TLE4: variants seen among roughly 807,000 people sequenced by gnomAD.
TLE4 encodes transducin-like enhancer protein 4.
Under a neutral mutation model 92.8 loss-of-function variants are expected in TLE4, and 8 were observed. The ratio of observed to expected loss-of-function variants is 0.09; its 90% CI spans 0.05 to 0.16. TLE4 has a LOEUF of 0.16. TLE4 is among the 10% of genes least tolerant of loss of function. The pLI is 1.00. For missense variants in TLE4, 675 were observed against 997.6 expected (o/e 0.68, Z 4.36); for synonymous variants, 371 against 374.1 (o/e 0.99, Z 0.10).
intron 4 of TLE4, among the ~76,000 whole-genome samples, chr9:79,605,839 A>G (rs1294470171): frequency 6.6e-6 from 1 of 152,164 alleles, no homozygotes; most frequent in East Asian, 1.9e-4. Context: ...GTAAAATAGC[A>G]TAAATATGAG....
At chr9:79,573,862 C>G (rs2036767721) in intron 2 of TLE4, 76 bp downstream of exon 2, 1 of 1,083,358 alleles carries the variant, frequency 9.2e-7, no homozygotes, top group Non-Finnish European at 1.3e-6. Context: ...CAAACACTTA[C>G]CCTCCTCCTT....
At chr9:79,587,806 A>G (rs562497415) in intron 4 of TLE4, among the ~76,000 whole-genome samples, 4 of 152,214 alleles carry the variant, frequency 2.6e-5, no homozygotes, top group South Asian at 2.1e-4. Context: ...TTTCATATGT[A>G]TATCTTGGGC....
intron 6 of TLE4, among the ~76,000 whole-genome samples, chr9:79,648,385 A>C (rs1251309374): frequency 6.6e-6 from 1 of 152,126 alleles, no homozygotes; most frequent in African/African-American, 2.4e-5. Flanking sequence ...TGCCTTTATG[A>C]GGCAGTATAT....
intron 6 of TLE4, among the ~76,000 whole-genome samples, chr9:79,650,312 G>A (rs2058752633): frequency 6.6e-6 from 1 of 152,158 alleles, no homozygotes; most frequent in Admixed American, 6.5e-5. Flanking sequence ...GGATTTGTGA[G>A]ATGTAGACTC....
At chr9:79,717,838 A>C (rs1166827571) in intron 14 of TLE4, among the ~76,000 whole-genome samples, 3 of 152,270 alleles carry the variant, frequency 2.0e-5, no homozygotes, top group South Asian at 4.1e-4. Flanking sequence ...GATAGTCCCC[A>C]AGATAGGCCC....
intron 1 of TLE4, chr9:79,573,274 G>A (rs1260505972): frequency 9.8e-7 from 1 of 1,022,476 alleles, no homozygotes; most frequent in Non-Finnish European, 1.2e-6. Context: ...GCGAACGAAC[G>A]AGCCGAGAGG....
chr9:79,661,921 C>T (rs1035091050), intron 8 of TLE4, among the ~76,000 whole-genome samples: 1 of 152,188 alleles, frequency 6.6e-6, no homozygotes, highest in Non-Finnish European at 1.5e-5. Flanking sequence ...TACCCTCCTC[C>T]TCCCAACCCC....
chr9:79,593,944 G>A lies in TLE4; in HGVS notation c.252+17767G>A, dbSNP rs149540084. Among the ~76,000 whole-genome samples, 15 of 152,248 alleles carry A rather than the reference G, an allele frequency of 9.9e-5. 1 individual carries two copies. In the East Asian group the frequency reaches 2.7e-3, roughly 27 times the overall value. ...TTTTTAAAAATCTAGTCCTAATTCA[G>A]CCAGTAACTTCCTGTGACATTGGTA... On this transcript the variant is annotated intron_variant, in intron 4 of 19. Coordinates refer to ENST00000376552, the MANE Select transcript of TLE4 (RefSeq NM_007005.6).
chr9:79,589,335 CATG>C (rs555329260), intron 4 of TLE4, among the ~76,000 whole-genome samples: 16 of 152,010 alleles, frequency 1.1e-4, no homozygotes, highest in Non-Finnish European at 2.2e-4. Flanking sequence ...CTCCCTTTCC[CATG>C]ATGATAAGCA....
intron 4 of TLE4, among the ~76,000 whole-genome samples, chr9:79,589,086 C>G (rs1042001234): frequency 6.6e-6 from 1 of 152,158 alleles, no homozygotes; most frequent in African/African-American, 2.4e-5. Flanking sequence ...GGACAGCCCT[C>G]TACAACAAAG....
chr9:79,674,530 A>G (rs1287333348), intron 8 of TLE4, among the ~76,000 whole-genome samples: 2 of 152,234 alleles, frequency 1.3e-5, no homozygotes, highest in South Asian at 2.1e-4. Context: ...CCTGCCACGT[A>G]GGAAAATACT....
chr9:79,589,506 T>A (rs2042018796), intron 4 of TLE4, among the ~76,000 whole-genome samples: 1 of 152,116 alleles, frequency 6.6e-6, no homozygotes, highest in Non-Finnish European at 1.5e-5. Flanking sequence ...TGATTTCCAC[T>A]GAAAACATCC....
Position 79,687,789 on chromosome 9 carries a change from G to C in TLE4, c.610-16994G>C, listed in dbSNP as rs184672913. Among the ~76,000 whole-genome samples the C allele has an allele frequency of 2.9e-4, 44 of 152,284 alleles. No individual in the cohort carries two copies. In the East Asian group the frequency reaches 7.5e-3, roughly 26 times the overall value. On this transcript the variant is annotated intron_variant, in intron 8 of 19. Coordinates refer to ENST00000376552, the MANE Select transcript of TLE4 (RefSeq NM_007005.6). Reference sequence around the variant, plus strand: ...ATCAGAGGCCTGTCTTCAACTATCAGCCCTTTGTGACCTTGCATGAGTTAC... The same window carrying C: ...ATCAGAGGCCTGTCTTCAACTATCACCCCTTTGTGACCTTGCATGAGTTAC...
intron 5 of TLE4, among the ~76,000 whole-genome samples, chr9:79,618,794 C>A (rs564904679): frequency 1.8e-4 from 28 of 152,210 alleles, no homozygotes; most frequent in African/African-American, 6.5e-4. Context: ...ATGAACGGAG[C>A]TGTTTTTCCC....
At chr9:79,696,991 A>G (rs1232177892) in intron 8 of TLE4, among the ~76,000 whole-genome samples, 1 of 152,192 alleles carries the variant, frequency 6.6e-6, no homozygotes, top group Non-Finnish European at 1.5e-5. Flanking sequence ...ACTTAGTAAC[A>G]TTGGTTATAA....
chr9:79,710,586 A>G (rs2073017849), intron 14 of TLE4, among the ~76,000 whole-genome samples: 2 of 152,128 alleles, frequency 1.3e-5, no homozygotes, highest in Non-Finnish European at 2.9e-5. Flanking sequence ...GCCTTCTCCC[A>G]GAGGCTTCCC....
chr9:79,663,670 A>G (rs570575402), intron 8 of TLE4: 72 of 152,270 alleles, frequency 4.7e-4, no homozygotes, highest in African/African-American at 1.7e-3. Context: ...TGATCTTTAA[A>G]TGGTTGTAGA....
chr9:79,631,664 T>TGTGTG (rs1323328890), intron 6 of TLE4, among the ~76,000 whole-genome samples: 4 of 43,858 alleles, frequency 9.1e-5, no homozygotes, highest in Non-Finnish European at 2.5e-4. Flanking sequence ...GTGTGTGTGT[T>TGTGTG]TTCTACATTG....
intron 8 of TLE4, among the ~76,000 whole-genome samples, chr9:79,696,453 C>T (rs1428339017): frequency 6.6e-5 from 10 of 152,090 alleles, no homozygotes; most frequent in Admixed American, 5.9e-4. Flanking sequence ...TCCTGATTAG[C>T]GACCTTAAAA....
Sources: allele counts gnomAD v4.1 joint callset (sites outside exome capture counted in the v4.1 genomes callset), GRCh38; gene constraint gnomAD v4.1.1; transcripts MANE v1.5; gene names NCBI Gene and HGNC (gene_info 2026-07-23, HGNC 2026-07-21).